Variants in THBS4 observed in about 807,000 individuals in gnomAD.
THBS4 encodes thrombospondin-4.
A neutral mutation model predicts 115.7 loss-of-function variants in THBS4; 90 were observed. That is an observed-to-expected ratio of 0.78 (90% CI 0.66 to 0.93). The LOEUF is 0.93. Ranked by LOEUF, THBS4 falls within the 40% of genes least tolerant of loss-of-function variation. THBS4 has a pLI of 0.00. For missense variants in THBS4, 1,087 were observed against 1,232.7 expected (o/e 0.88, Z 1.77); for synonymous variants, 460 against 479.3 (o/e 0.96, Z 0.53).
At chr5:80,042,019 T>G (rs1343774961) in intron 2 of THBS4, among the ~76,000 whole-genome samples, 2 of 152,260 alleles carry the variant, frequency 1.3e-5, no homozygotes, top group African/African-American at 4.8e-5. Context: ...CCTTCTTTTC[T>G]GTCAGATTCC....
intron 7 of THBS4, 68 bp downstream of exon 7, chr5:80,059,973 G>A: frequency 6.7e-7 from 1 of 1,498,864 alleles, no homozygotes; most frequent in Non-Finnish European, 9.2e-7. Context: ...TTTGGAAAAA[G>A]AAGCCAAGCT....
chr5:80,083,128 G>A lies in THBS4; in HGVS notation c.2873G>A (p.Arg958His). 4 of 1,613,554 alleles carry A rather than the reference G, an allele frequency of 2.5e-6. No individual in the cohort carries two copies. The highest frequency in any genetic ancestry group is 2.2e-5 in the South Asian group (2 of 91,074). The stretch of plus-strand genomic sequence containing the variant: ...GAGTTTCAAACCCAGAATTTCGACC[G>A]CTTCGATAATTAAACCAAGGAAGCA... The part of the protein sequence containing the change: ...FQEFQTQNFD[R>H]FDN Residue 958 changes from arginine to histidine, a missense_variant, in exon 22 of 22, where the codon CGC (arginine) becomes CAC (histidine). This residue lies in a region of THBS4 where 103 missense variants were observed against 108.2 expected (regional missense o/e 0.95). Coordinates refer to ENST00000350881, the MANE Select transcript of THBS4 (RefSeq NM_003248.6).
At chr5:80,071,319 C>A in intron 13 of THBS4, 139 bp downstream of exon 13, 1 of 1,411,188 alleles carries the variant, frequency 7.1e-7, no homozygotes, top group Non-Finnish European at 9.3e-7. Flanking sequence ...TCTGGAAGAC[C>A]CAAGGTGGAC....
intron 8 of THBS4, 139 bp downstream of exon 8, chr5:80,061,971 T>C (rs1833653598): frequency 4.1e-6 from 4 of 982,376 alleles, no homozygotes; most frequent in Admixed American, 3.2e-5. Context: ...ATGAGCAAAT[T>C]AGGAAGTTTT....
intron 2 of THBS4, among the ~76,000 whole-genome samples, chr5:80,024,992 C>A (rs145421108): frequency 6.6e-6 from 1 of 152,272 alleles, no homozygotes; most frequent in Non-Finnish European, 1.5e-5. Flanking sequence ...GTTTTCTAAT[C>A]TGTGCAGTGG....
chr5:80,071,731 C>A (rs1382509099), intron 13 of THBS4: 2 of 165,636 alleles, frequency 1.2e-5, no homozygotes, highest in Admixed American at 1.1e-4. Context: ...CATGACCTCA[C>A]CTTCTGCAAG....
intron 1 of THBS4, 144 bp from the exon 2 acceptor site, chr5:80,039,933 T>C: frequency 1.4e-6 from 1 of 697,522 alleles, no homozygotes; most frequent in Non-Finnish European, 2.4e-6. Flanking sequence ...ACTGGTGAGT[T>C]TGGCAATACG....
chr5:80,070,460 A>G lies in THBS4; in HGVS notation c.1452+50A>G, dbSNP rs2112136151. 4 of 1,550,448 alleles carry G rather than the reference A, an allele frequency of 2.6e-6. No individual in the cohort carries two copies. The South Asian group carries it at 4.5e-5, about 17-fold the overall frequency. ...GCACACATGCACTGTGGCTTTCCAA[A>G]GTCACATCTTCTATGGGGAGAGGTT... On this transcript the variant is annotated intron_variant, in intron 11 of 21. Transcript: ENST00000350881.
chr5:80,074,853 T>TCCACCTG (rs1489805765), intron 15 of THBS4, among the ~76,000 whole-genome samples: 1 of 152,126 alleles, frequency 6.6e-6, no homozygotes, highest in African/African-American at 2.4e-5. Flanking sequence ...CCTCAAGTGA[T>TCCACCTG]CCACCTGCCT....
At chr5:80,057,973 T>C (rs1360642148) in intron 3 of THBS4, among the ~76,000 whole-genome samples, 1 of 152,256 alleles carries the variant, frequency 6.6e-6, no homozygotes, top group Non-Finnish European at 1.5e-5. Context: ...TTCTCAGCTG[T>C]CTTGGTGACA....
chr5:80,015,291 C>A (rs916037953), intron 2 of THBS4, among the ~76,000 whole-genome samples: 27 of 152,176 alleles, frequency 1.8e-4, no homozygotes, highest in Non-Finnish European at 5.9e-5. Context: ...AGGGGCTGAG[C>A]ATCTCAGGTA....
chr5:80,061,646 A>G (rs1434471403), intron 7 of THBS4, 49 bp from the exon 8 acceptor site: 3 of 1,531,956 alleles, frequency 2.0e-6, no homozygotes, highest in South Asian at 1.2e-5. Flanking sequence ...GAAAAGTTTG[A>G]GAGTGTTTTC....
At chr5:79,999,360 A>T (rs922906027) in intron 2 of THBS4, among the ~76,000 whole-genome samples, 1 of 152,230 alleles carries the variant, frequency 6.6e-6, no homozygotes, top group Admixed American at 6.5e-5. Flanking sequence ...AAATAGATGT[A>T]TTTATTCATA....
chr5:80,050,769 T>C (rs1366907157), intron 2 of THBS4, among the ~76,000 whole-genome samples: 8 of 152,202 alleles, frequency 5.3e-5, no homozygotes, highest in Admixed American at 2.0e-4. Flanking sequence ...CTTCCCAAAG[T>C]TAGTTCGGCC....
intron 1 of THBS4, 59 bp from the exon 2 acceptor site, chr5:80,040,017 AC>A: frequency 6.7e-7 from 1 of 1,496,330 alleles, no homozygotes. Flanking sequence ...AAACAAAGAA[AC>A]CCTGTTTTCC....
chr5:80,013,372 C>T (rs926847757), intron 2 of THBS4, among the ~76,000 whole-genome samples: 14 of 152,004 alleles, frequency 9.2e-5, no homozygotes, highest in African/African-American at 2.9e-4. Flanking sequence ...CTCCCGACCT[C>T]AGGTGATCTG....
At chr5:80,048,924 A>T (rs552779107) in intron 2 of THBS4, among the ~76,000 whole-genome samples, 185 of 152,338 alleles carry the variant, frequency 1.2e-3, no homozygotes, top group African/African-American at 4.3e-3. Context: ...ACAATTATTT[A>T]AAAAGAAGAG....
intron 2 of THBS4, among the ~76,000 whole-genome samples, chr5:80,052,084 G>A (rs1028669157): frequency 6.6e-6 from 1 of 151,986 alleles, no homozygotes; most frequent in Non-Finnish European, 1.5e-5. Context: ...TGGTCCAAGT[G>A]GTATTTTTCT....
rs1833421808 is a variant in THBS4 at position 80,056,037 on chromosome 5, G to GAACCCAC, written c.540+8_540+14dup. ...ACTTTCCAGAGGAAGCCACAGGTAGGAACCCACAAACCATTCTCTGAAGTG... is the reference window on the plus strand; with the variant it reads ...ACTTTCCAGAGGAAGCCACAGGTAGGAACCCACAACCCACAAACCATTCTCTGAAGTG... On this transcript the variant is annotated splice_donor_region_variant and intron_variant, in intron 3 of 21. Transcript: ENST00000350881. 6.3e-7 allele frequency: 1 copy of GAACCCAC among 1,589,554 alleles called. No individual in the cohort carries two copies. The highest frequency in any genetic ancestry group is 1.4e-5 in the African/African-American group (1 of 73,938).
Sources: gnomAD v4.1 joint callset for allele counts (sites outside exome capture counted in the v4.1 genomes callset) on GRCh38, gnomAD v4.1.1 for gene constraint, gnomAD v4.1.1 regional missense constraint, MANE v1.5 for transcripts, NCBI Gene and HGNC (gene_info 2026-07-23, HGNC 2026-07-21) for gene names.